The following RARA variants were observed in gnomAD, a reference collection of about 807,000 sequenced individuals.
RARA encodes retinoic acid receptor alpha, also known as PML-DDX5-RARA fusion.
A neutral mutation model predicts 42.8 loss-of-function variants in RARA; 5 were observed. The ratio of observed to expected loss-of-function variants is 0.12; its 90% CI spans 0.06 to 0.25. The LOEUF (loss-of-function observed/expected upper bound fraction) is 0.25. RARA is among the 10% of genes least tolerant of loss of function. RARA has a pLI of 1.00. For missense variants in RARA, 402 were observed against 628.7 expected, an observed-to-expected ratio of 0.64 and a Z score of 3.86; for synonymous variants, 256 against 259.5, an observed-to-expected ratio of 0.99 and a Z score of 0.13.
At position 40,355,573 on chromosome 17, in the gene RARA, C is replaced by T. The variant is rs997989547; in HGVS notation, c.1171+152C>T. ...AGGTCCCCTAGTGACTCCACTTTGC[C>T]GAGGTGGCCCGCCTGTGTCACCTTT... On this transcript the variant is annotated intron_variant, in intron 8 of 8. Transcript: ENST00000254066. This position sits in a 1 kb window ranked among gnomAD's most constrained non-coding sequence, Gnocchi z 4.1. 9 of 1,115,392 alleles carry T rather than the reference C, an allele frequency of 8.1e-6. No individual in the cohort carries two copies. The highest frequency in any genetic ancestry group is 8.0e-5 in the East Asian group (3 of 37,658). 69.1% of individuals were successfully genotyped at this position (1,115,392 alleles called of 1,614,324 possible).
At chr17:40,325,348 G>A (rs1003951328) in intron 1 of RARA, among the ~76,000 whole-genome samples, 1 of 152,178 alleles carries the variant, frequency 6.6e-6, no homozygotes, top group Non-Finnish European at 1.5e-5. Context: ...CTGGTGAACA[G>A]ACAGGAAACA....
chr17:40,310,411 G>T (rs543396838), intron 1 of RARA, among the ~76,000 whole-genome samples: 3 of 152,120 alleles, frequency 2.0e-5, no homozygotes, highest in Non-Finnish European at 2.9e-5. Context: ...GGGGGTGATA[G>T]AAGAGACTGG....
Position 40,355,136 on chromosome 17 carries a change from T to A in RARA, c.1013-127T>A, listed in dbSNP as rs2034575870. ...CTGCGGCAGCAGAGACCCCATGCCC[T>A]GCCCTGTGTGGGGAGGCGCCTGCGA... On this transcript the variant is annotated intron_variant, in intron 7 of 8. Coordinates refer to ENST00000254066, the MANE Select transcript of RARA (RefSeq NM_000964.4). The surrounding 1 kb of genome is among the most constrained non-coding windows in gnomAD (Gnocchi z 4.1). 5 of 1,196,606 alleles carry A rather than the reference T, an allele frequency of 4.2e-6. No individual in the cohort carries two copies. The highest frequency in any genetic ancestry group is 4.6e-6 in the Non-Finnish European group (4 of 874,176). The allele number at this position is 1,196,606 out of a possible 1,614,324, so 74.1% of individuals were successfully genotyped here. A position where few individuals can be genotyped will look rare whatever the true frequency, so the allele number is the denominator to read the frequency against.
rs772646219 is a variant in RARA, at chr17:40,352,595, T to C, written c.807+88T>C. 5.5e-6 allele frequency: 7 copies of C among 1,265,830 alleles called. No individual in the cohort carries two copies. Among genetic ancestry groups the C allele is most frequent in the Non-Finnish European group, 7.5e-6 (7 of 937,274 alleles). The allele number at this position is 1,265,830 out of a possible 1,614,324, so 78.4% of individuals were successfully genotyped here. On this transcript the variant is annotated intron_variant, in intron 6 of 8. Coordinates refer to ENST00000254066, the MANE Select transcript of RARA (RefSeq NM_000964.4). This position sits in a 1 kb window ranked among gnomAD's most constrained non-coding sequence, Gnocchi z 4.9. ...CCAGACAGCCACCCTCCTAAATGTC[T>C]GTCTGCAATCAACCTGTCCAAATGC...
At chr17:40,343,760 G>A (rs1318811085) in intron 2 of RARA, among the ~76,000 whole-genome samples, 1 of 152,030 alleles carries the variant, frequency 6.6e-6, no homozygotes, top group African/African-American at 2.4e-5. Flanking sequence ...TTCCTAAGAG[G>A]GGCACTGATG....
chr17:40,342,234 C>T lies in RARA; in HGVS notation c.179-6082C>T, dbSNP rs909439029. 1.8e-5 allele frequency: 19 copies of T among 1,056,984 alleles called. No homozygotes were observed. The African/African-American group carries it at 3.0e-4, about 17-fold the overall frequency. The allele number at this position is 1,056,984 out of a possible 1,614,324, so 65.5% of individuals were successfully genotyped here. On this transcript the variant is annotated intron_variant, in intron 2 of 8. Transcript: ENST00000254066. ...TGGCGGGGGCGGAACCGCGCGGGATCCCCACCCCCACCCGGAATCCTCGCC... is the reference window on the plus strand; with the variant it reads ...TGGCGGGGGCGGAACCGCGCGGGATTCCCACCCCCACCCGGAATCCTCGCC...
intron 1 of RARA, among the ~76,000 whole-genome samples, chr17:40,329,998 C>T (rs1483046455): frequency 1.3e-5 from 2 of 152,234 alleles, no homozygotes; most frequent in Non-Finnish European, 2.9e-5. Context: ...GTCTCTGTCT[C>T]TACCCCATGG....
chr17:40,331,173 C>G lies in RARA; in HGVS notation c.-46C>G. The G allele has an allele frequency of 6.5e-7, 1 of 1,544,572 alleles. No individual in the cohort carries two copies. Among genetic ancestry groups the G allele is most frequent in the Non-Finnish European group, 8.7e-7 (1 of 1,145,376 alleles). On this transcript the variant is annotated 5_prime_UTR_variant, in exon 2 of 9. Coordinates refer to ENST00000254066, the MANE Select transcript of RARA (RefSeq NM_000964.4). ...AGGGGTGGTCTGAAGCCCACCAGAGCCCCCTGCCAGACTGTCTGCCTCCCT... is the reference window on the plus strand; with the variant it reads ...AGGGGTGGTCTGAAGCCCACCAGAGGCCCCTGCCAGACTGTCTGCCTCCCT...
chr17:40,349,659 T>G, intron 3 of RARA, 125 bp from the exon 4 acceptor site: 1 of 1,243,534 alleles, frequency 8.0e-7, no homozygotes, highest in Non-Finnish European at 1.1e-6. Context: ...CCTGCTCAGG[T>G]AGGCGATGGG....
intron 1 of RARA, among the ~76,000 whole-genome samples, chr17:40,311,256 G>C (rs1369835923): frequency 6.6e-6 from 1 of 152,080 alleles, no homozygotes; most frequent in Non-Finnish European, 1.5e-5. Context: ...TATGAGGACT[G>C]CCCCTGGCAC....
intron 1 of RARA, among the ~76,000 whole-genome samples, chr17:40,309,936 C>CTGTG (rs150551348): frequency 2.6e-5 from 4 of 150,976 alleles, no homozygotes; most frequent in South Asian, 4.2e-4. Context: ...CCGACCCCAC[C>CTGTG]TGTGTGTGTG....
intron 1 of RARA, among the ~76,000 whole-genome samples, chr17:40,311,545 T>C (rs1217790116): frequency 6.6e-6 from 1 of 152,172 alleles, no homozygotes; most frequent in Non-Finnish European, 1.5e-5. Context: ...TGTTCAGAAA[T>C]GTTTCACTTT....
intron 2 of RARA, among the ~76,000 whole-genome samples, chr17:40,335,442 C>T (rs1306086857): frequency 2.0e-5 from 3 of 152,162 alleles, no homozygotes. Flanking sequence ...GTAATCCCAG[C>T]ACTTTGGCAG....
intron 2 of RARA, chr17:40,342,900 G>GGGGT: frequency 6.3e-7 from 1 of 1,590,716 alleles, no homozygotes; most frequent in Non-Finnish European, 8.6e-7. Context: ...GCTGTTGTAG[G>GGGGT]GGGTGGGAGT....
intron 2 of RARA, among the ~76,000 whole-genome samples, chr17:40,334,966 C>A (rs1174497068): frequency 6.6e-6 from 1 of 152,146 alleles, no homozygotes; most frequent in Admixed American, 6.6e-5. Flanking sequence ...CTCCCCGCCC[C>A]CTAAACTGGC....
In RARA at chr17:40,356,158, C is replaced by T. The variant is rs1279305609; in HGVS notation, c.1321C>T (p.Pro441Ser). 2 of 1,553,130 alleles carry T rather than the reference C, an allele frequency of 1.3e-6. No homozygotes were observed. Among genetic ancestry groups the T allele is most frequent in the Non-Finnish European group, 1.7e-6 (2 of 1,148,402 alleles). ...GRDGGGLAPP[P>S]GSCSPSLSPS... is the part of the protein sequence containing the mutation. ...GGACGGGGGTGGCCTGGCCCCCCCG[C>T]CAGGCAGCTGTAGCCCCAGCCTCAG... is the stretch of plus-strand genomic sequence containing the variant. The change falls in exon 9 of 9, where the codon CCA (proline) becomes TCA (serine). Residue 441 changes from proline (P) to serine (S), a missense_variant. Pro to Ser is a moderately conservative substitution (Grantham distance 74). Around this residue, in one of 5 missense-constraint regions of RARA, gnomAD observed 73 missense variants for 59.8 expected, o/e 1.22. Transcript: ENST00000254066.
chr17:40,351,985 C>T lies in RARA; in HGVS notation c.545C>T (p.Pro182Leu), dbSNP rs767684695. 6.9e-6 allele frequency: 11 copies of T among 1,605,600 alleles called. No homozygotes were observed. Among genetic ancestry groups the T allele is most frequent in the East Asian group, 4.5e-5 (2 of 44,722 alleles). Residue 182 changes from proline (P) to leucine (L), a missense_variant, in exon 5 of 9, where the codon CCG (proline) becomes CTG (leucine). By Grantham distance (98) the Pro-to-Leu change is moderately conservative. Coordinates refer to ENST00000254066, the MANE Select transcript of RARA (RefSeq NM_000964.4). The surrounding 1 kb of genome is among the most constrained non-coding windows in gnomAD (Gnocchi z 4.1). ...TGCTCTGAGAGCTACACGCTGACGCCGGAGGTGGGGGAGCTCATTGAGAAG... is the reference window on the plus strand; with the variant it reads ...TGCTCTGAGAGCTACACGCTGACGCTGGAGGTGGGGGAGCTCATTGAGAAG... ...PECSESYTLT[P>L]EVGELIEKVR...
At chr17:40,346,417 G>A (rs2034267217) in intron 2 of RARA, among the ~76,000 whole-genome samples, 1 of 152,076 alleles carries the variant, frequency 6.6e-6, no homozygotes. Context: ...GAGGGGTGGG[G>A]AGGTCAGTGC....
Position 40,351,609 on chromosome 17 carries a change from T to C in RARA, c.470-301T>C. 2.0e-6 allele frequency: 1 copy of C among 492,882 alleles called. No homozygotes were observed. The highest frequency in any genetic ancestry group is 1.8e-5 in the South Asian group (1 of 56,570). The allele number at this position is 492,882 out of a possible 1,614,324, so 30.5% of individuals were successfully genotyped here. A position where few individuals can be genotyped will look rare whatever the true frequency, so the allele number is the denominator to read the frequency against. ...TAGGAGGGCACCGTCGCCTGGAGTG[T>C]GAGCTGGAGTAGACGCGTGGGGGAT... On this transcript the variant is annotated intron_variant, in intron 4 of 8. Transcript: ENST00000254066. The surrounding 1 kb of genome is among the most constrained non-coding windows in gnomAD (Gnocchi z 4.1).
Sources: allele counts gnomAD v4.1 joint callset (sites outside exome capture counted in the v4.1 genomes callset), GRCh38; gene constraint gnomAD v4.1.1; regional missense constraint gnomAD v4.1.1; non-coding constraint Gnocchi (gnomAD v3.1); transcripts MANE v1.5; gene names NCBI Gene and HGNC (gene_info 2026-07-23, HGNC 2026-07-21).